The following MAPK6 variants were observed in gnomAD, a reference collection of about 807,000 sequenced individuals.
MAPK6 encodes mitogen-activated protein kinase 6, also known as ERK-3.
In MAPK6, 19 loss-of-function variants were observed where a neutral mutation model predicts 59.3. The observed-to-expected ratio is 0.32, with a 90% CI of 0.22 to 0.47. The LOEUF is 0.47. Ranked by LOEUF, MAPK6 falls within the 20% of genes least tolerant of loss-of-function variation. The pLI is 1.00. For missense variants in MAPK6, 724 were observed against 847.9 expected (o/e 0.85, Z 1.81); for synonymous variants, 316 against 290.3 (o/e 1.09, Z -0.90).
chr15:52,028,337 T>A (rs1008418424), intron 1 of MAPK6, among the ~76,000 whole-genome samples: 1 of 152,164 alleles, frequency 6.6e-6, no homozygotes, highest in African/African-American at 2.4e-5. Context: ...TTCATCTGCC[T>A]TGGCCTCCCA....
chr15:52,058,878 C>T (rs1265276529), intron 4 of MAPK6, 81 bp downstream of exon 4: 6 of 1,218,400 alleles, frequency 4.9e-6, no homozygotes, highest in Non-Finnish European at 6.7e-6. Flanking sequence ...AGCTTTTTAT[C>T]CTTAGATATG....
intron 4 of MAPK6, among the ~76,000 whole-genome samples, chr15:52,059,248 C>CACAACATCCCTGTTCATATCTAA (rs1321942630): frequency 6.6e-6 from 1 of 152,226 alleles, no homozygotes; most frequent in African/African-American, 2.4e-5. Context: ...TAGCCACTGT[C>CACAACATCCCTGTTCATATCTAA]ACAACATCCC....
intron 1 of MAPK6, among the ~76,000 whole-genome samples, chr15:52,038,860 C>A (rs576036807): frequency 6.6e-6 from 1 of 152,232 alleles, no homozygotes; most frequent in South Asian, 2.1e-4. Context: ...TAACATCTCT[C>A]CCATTCTGAG....
chr15:51,992,303 A>ATTTT (rs1388505754), intron 2 of MAPK6, among the ~76,000 whole-genome samples: 12 of 92,798 alleles, frequency 1.3e-4, no homozygotes, highest in Admixed American at 2.5e-4. Context: ...ATATATATAT[A>ATTTT]TATTTTTTTT....
intron 1 of MAPK6, among the ~76,000 whole-genome samples, chr15:52,045,461 T>G (rs965131717): frequency 3.9e-5 from 6 of 152,246 alleles, no homozygotes; most frequent in Non-Finnish European, 8.8e-5. Context: ...ATTGCAGGCT[T>G]CTTCTATATT....
intron 1 of MAPK6, chr15:52,033,717 A>G (rs766897583): frequency 2.6e-5 from 4 of 152,164 alleles, no homozygotes; most frequent in African/African-American, 7.2e-5. Context: ...TCCCTTTCAT[A>G]TATACATAAA....
At chr15:51,971,932 A>T in intron 1 of MAPK6, 3 of 576,686 alleles carry the variant, frequency 5.2e-6, no homozygotes, top group East Asian at 3.1e-5. Flanking sequence ...AAGCCCGGCC[A>T]TTTCGTCAAT....
chr15:52,011,589 C>T (rs1196811334), intron 3 of MAPK6: 1 of 152,188 alleles, frequency 6.6e-6, no homozygotes, highest in African/African-American at 2.4e-5. Context: ...AACAGAAATA[C>T]ACATAAAACA....
At chr15:52,058,235 C>G (rs987479073) in intron 3 of MAPK6, among the ~76,000 whole-genome samples, 6 of 152,172 alleles carry the variant, frequency 3.9e-5, no homozygotes, top group African/African-American at 1.2e-4. Context: ...CTAGTCCAAC[C>G]CTTCATTTCA....
chr15:52,000,138 T>C (rs1347617642), intron 2 of MAPK6, among the ~76,000 whole-genome samples: 1 of 151,866 alleles, frequency 6.6e-6, no homozygotes, highest in Non-Finnish European at 1.5e-5. Flanking sequence ...TGGGTCTCTC[T>C]GTGTTGCCCA....
chr15:51,975,636 A>C (rs2057155159), intron 1 of MAPK6, among the ~76,000 whole-genome samples: 1 of 151,912 alleles, frequency 6.6e-6, no homozygotes, highest in Admixed American at 6.6e-5. Flanking sequence ...TAGAGGAAAA[A>C]TAACAGATTG....
At chr15:52,019,760 C>T (rs935659855) in intron 1 of MAPK6, among the ~76,000 whole-genome samples, 2 of 151,850 alleles carry the variant, frequency 1.3e-5, no homozygotes, top group Admixed American at 1.3e-4. Context: ...CCGCCTGCGC[C>T]TGGCTCCGCG....
At chr15:52,010,467 G>A (rs940596729) in intron 3 of MAPK6, among the ~76,000 whole-genome samples, 1 of 150,350 alleles carries the variant, frequency 6.7e-6, no homozygotes, top group Non-Finnish European at 1.5e-5. Context: ...CACCCAACTC[G>A]GCCTTCCAAA....
chr15:51,973,443 G>A (rs1265500692), intron 1 of MAPK6, among the ~76,000 whole-genome samples: 3 of 152,044 alleles, frequency 2.0e-5, no homozygotes, highest in South Asian at 4.1e-4. Flanking sequence ...CTGGCCTCAA[G>A]AGGTCCTCCT....
intron 3 of MAPK6, among the ~76,000 whole-genome samples, chr15:52,054,263 G>A (rs1014832583): frequency 2.0e-5 from 3 of 151,648 alleles, no homozygotes; most frequent in African/African-American, 7.3e-5. Flanking sequence ...AGCTACTCGG[G>A]AGGCTGAGGC....
At chr15:52,050,702 G>A (rs553802650) in intron 3 of MAPK6, among the ~76,000 whole-genome samples, 19 of 152,296 alleles carry the variant, frequency 1.2e-4, no homozygotes, top group African/African-American at 4.6e-4. Context: ...ATCAGTGATT[G>A]CTGGAATGGA....
At chr15:52,042,352 T>G (rs571207962) in intron 1 of MAPK6, among the ~76,000 whole-genome samples, 3 of 152,372 alleles carry the variant, frequency 2.0e-5, no homozygotes, top group Admixed American at 2.0e-4. Context: ...TTACAATGTA[T>G]AGTCTTCATC....
In MAPK6 at chr15:52,065,465, G is replaced by A. The variant is rs1012261788; in HGVS notation, c.*465G>A. On this transcript the variant is annotated 3_prime_UTR_variant, in exon 6 of 6. Transcript: ENST00000261845. Reference sequence around the variant, plus strand: ...CCAGCAGCAACTGAAAATGAATGCCGAATTTGGTACACATGTGTTATCTAC... The same window carrying A: ...CCAGCAGCAACTGAAAATGAATGCCAAATTTGGTACACATGTGTTATCTAC... 3.3e-5 allele frequency: 5 copies of A among 153,320 alleles called. No homozygotes were observed. Among genetic ancestry groups the A allele is most frequent in the Admixed American group, 6.5e-5 (1 of 15,398 alleles). 9.5% of individuals were successfully genotyped at this position (153,320 alleles called of 1,614,324 possible). A position where few individuals can be genotyped will look rare whatever the true frequency, so the allele number is the denominator to read the frequency against.
chr15:52,004,750 GC>G (rs1267812292), intron 3 of MAPK6, among the ~76,000 whole-genome samples: 4 of 152,172 alleles, frequency 2.6e-5, no homozygotes, highest in Non-Finnish European at 4.4e-5. Flanking sequence ...ATTATAATCA[GC>G]ATGATTCAAT....
Sources: allele counts gnomAD v4.1 joint callset (sites outside exome capture counted in the v4.1 genomes callset), GRCh38; gene constraint gnomAD v4.1.1; transcripts MANE v1.5; gene names NCBI Gene and HGNC (gene_info 2026-07-23, HGNC 2026-07-21).